The following CCSER1 variants were observed in gnomAD, a reference collection of about 807,000 sequenced individuals.
CCSER1 encodes the protein coiled-coil serine rich protein 1.
A neutral mutation model predicts 82.0 loss-of-function variants in CCSER1; 41 were observed. The ratio of observed to expected loss-of-function variants is 0.50; its 90% CI spans 0.39 to 0.65. The LOEUF is 0.65. CCSER1 is among the 30% of genes least tolerant of loss of function. CCSER1 has a pLI of 0.00. For missense variants in CCSER1, 1,119 were observed against 1,064.2 expected, an observed-to-expected ratio of 1.05 and a Z score of -0.72; for synonymous variants, 414 against 383.9, an observed-to-expected ratio of 1.08 and a Z score of -0.92.
At chr4:90,564,047 A>G (rs1226486017) in intron 5 of CCSER1, among the ~76,000 whole-genome samples, 2 of 152,136 alleles carry the variant, frequency 1.3e-5, no homozygotes, top group African/African-American at 4.8e-5. Context: ...GGTGTTGAGC[A>G]TTTTCTCACA....
intron 10 of CCSER1, among the ~76,000 whole-genome samples, chr4:91,518,206 T>A (rs916383628): frequency 6.6e-6 from 1 of 152,130 alleles, no homozygotes; most frequent in Non-Finnish European, 1.5e-5. Flanking sequence ...TTAGCAGTGG[T>A]TGTGTTCAAG....
intron 7 of CCSER1, among the ~76,000 whole-genome samples, chr4:90,812,888 C>CCAAT (rs1172627251): frequency 6.6e-6 from 1 of 152,120 alleles, no homozygotes; most frequent in African/African-American, 2.4e-5. Context: ...CCCCCATGAT[C>CCAAT]CAATCACCTC....
chr4:90,918,244 T>C (rs1561362143), intron 8 of CCSER1: 2 of 455,752 alleles, frequency 4.4e-6, no homozygotes, highest in Non-Finnish European at 8.8e-6. Context: ...TAAAGCAAAC[T>C]ACTACACGTA....
intron 9 of CCSER1, among the ~76,000 whole-genome samples, chr4:90,935,653 A>C: frequency 6.6e-6 from 1 of 152,182 alleles, no homozygotes; most frequent in Non-Finnish European, 1.5e-5. Flanking sequence ...TTTAAATGGC[A>C]TTATAGTAAG....
chr4:91,101,804 C>A (rs1033047227), intron 10 of CCSER1, among the ~76,000 whole-genome samples: 3 of 152,156 alleles, frequency 2.0e-5, no homozygotes, highest in Admixed American at 2.0e-4. Flanking sequence ...TAGAACTATA[C>A]CTCTTAGTGA....
intron 10 of CCSER1, chr4:91,324,967 G>A: frequency 6.0e-6 from 2 of 333,266 alleles, no homozygotes; most frequent in South Asian, 4.7e-5. Flanking sequence ...GGTGGGGCCT[G>A]GTGGGAGGTG....
At position 90,857,014 on chromosome 4, in the gene CCSER1, T is replaced by C. The variant is rs188286211; in HGVS notation, c.2094+41169T>C. Among the ~76,000 whole-genome samples the C allele has an allele frequency of 7.9e-5, 12 of 152,088 alleles. No individual in the cohort carries two copies. In the East Asian group the frequency reaches 2.1e-3, roughly 27 times the overall value. On this transcript the variant is annotated intron_variant, in intron 8 of 10. Coordinates refer to ENST00000509176, the MANE Select transcript of CCSER1 (RefSeq NM_001145065.2). ...CTTAAAACTACCATGATAGGCATGCTATCTTTTACTTCAATCGCATATTAA... is the reference window on the plus strand; with the variant it reads ...CTTAAAACTACCATGATAGGCATGCCATCTTTTACTTCAATCGCATATTAA...
chr4:91,267,840 A>G (rs572773364), intron 10 of CCSER1, among the ~76,000 whole-genome samples: 1 of 152,218 alleles, frequency 6.6e-6, no homozygotes, highest in Admixed American at 6.5e-5. Context: ...TTACTATTGT[A>G]AGTTAAAATG....
chr4:91,161,673 AG>A (rs1560479836), intron 10 of CCSER1, among the ~76,000 whole-genome samples: 1 of 152,064 alleles, frequency 6.6e-6, no homozygotes, highest in African/African-American at 2.4e-5. Context: ...CAATTGTGAA[AG>A]GGAGTTCACT....
intron 4 of CCSER1, among the ~76,000 whole-genome samples, chr4:90,436,250 C>A (rs182314606): frequency 6.6e-5 from 10 of 152,190 alleles, no homozygotes; most frequent in Admixed American, 6.5e-4. Context: ...TGTTATTAAT[C>A]ATGAATAAGC....
At chr4:91,218,350 C>G (rs1202733979) in intron 10 of CCSER1, among the ~76,000 whole-genome samples, 3 of 152,324 alleles carry the variant, frequency 2.0e-5, no homozygotes, top group Middle Eastern at 3.4e-3. Context: ...TCGTGCCTCT[C>G]CCTCCACACC....
At chr4:90,168,378 C>G (rs1730934674) in intron 1 of CCSER1, among the ~76,000 whole-genome samples, 1 of 151,988 alleles carries the variant, frequency 6.6e-6, no homozygotes, top group Admixed American at 6.6e-5. Flanking sequence ...GATATTAGCC[C>G]TTTGTCAGAT....
intron 3 of CCSER1, among the ~76,000 whole-genome samples, chr4:90,324,936 C>T (rs1228990200): frequency 1.3e-5 from 2 of 152,108 alleles, no homozygotes; most frequent in East Asian, 3.9e-4. Flanking sequence ...GAATCCTTTC[C>T]CCATTGCTTG....
At chr4:91,547,987 T>A (rs1046697307) in intron 10 of CCSER1, among the ~76,000 whole-genome samples, 1 of 152,218 alleles carries the variant, frequency 6.6e-6, no homozygotes, top group African/African-American at 2.4e-5. Context: ...TTCACCATGT[T>A]GCCCAGGCTG....
chr4:90,650,611 T>C (rs1255395846), intron 6 of CCSER1, among the ~76,000 whole-genome samples: 1 of 152,190 alleles, frequency 6.6e-6, no homozygotes, highest in Non-Finnish European at 1.5e-5. Context: ...CTTTAATATG[T>C]TACCCCACTT....
At chr4:90,420,854 G>T (rs11930977) in intron 4 of CCSER1, among the ~76,000 whole-genome samples, 2,437 of 152,140 alleles carry the variant, frequency 0.016, 32 homozygotes, top group South Asian at 0.03. Flanking sequence ...AAGAAAAGAT[G>T]TATTTCATTC....
intron 1 of CCSER1, among the ~76,000 whole-genome samples, chr4:90,248,489 A>G (rs1721830651): frequency 6.6e-6 from 1 of 152,090 alleles, no homozygotes; most frequent in African/African-American, 2.4e-5. Flanking sequence ...TGTACACATC[A>G]GTATGTAGAG....
At chr4:91,423,136 G>T (rs1363075402) in intron 10 of CCSER1, among the ~76,000 whole-genome samples, 1 of 151,950 alleles carries the variant, frequency 6.6e-6, no homozygotes, top group Non-Finnish European at 1.5e-5. Flanking sequence ...TTTAAAAAAA[G>T]TAGGTCTGGC....
In CCSER1 at chr4:91,256,142, G is replaced by T. The variant is rs180917879; in HGVS notation, c.2217+170148G>T. On this transcript the variant is annotated intron_variant, in intron 10 of 10. Transcript: ENST00000509176. ...GAAAAGAATGCATTCCTGGTTGGGT[G>T]GGGGGGCCCTCTAAAATGGCCGCTC... 9.9e-4 allele frequency among the ~76,000 whole-genome samples: 150 copies of T among 151,362 alleles called. 3 individuals are homozygous for T. The highest frequency in any genetic ancestry group is 8.9e-3 in the Admixed American group (136 of 15,240).
Sources: gnomAD v4.1 joint callset for allele counts (sites outside exome capture counted in the v4.1 genomes callset) on GRCh38, gnomAD v4.1.1 for gene constraint, MANE v1.5 for transcripts, NCBI Gene and HGNC (gene_info 2026-07-23, HGNC 2026-07-21) for gene names.